The following NDE1 variants were observed in gnomAD, a reference collection of about 807,000 sequenced individuals.
NDE1 encodes nuclear distribution protein nudE homolog 1.
NDE1 carries 28 observed loss-of-function variants against 43.4 expected under a neutral mutation model. That is an observed-to-expected ratio of 0.65 (90% CI 0.48 to 0.89). The LOEUF (loss-of-function observed/expected upper bound fraction) is 0.89. Ranked by LOEUF, NDE1 falls within the 40% of genes least tolerant of loss-of-function variation. NDE1 has a pLI of 0.00. For missense variants in NDE1, 441 were observed against 434.1 expected (o/e 1.02, Z -0.14); for synonymous variants, 184 against 172.0 (o/e 1.07, Z -0.55).
chr16:15,688,807 C>T (rs946730345), intron 5 of NDE1, among the ~76,000 whole-genome samples: 1 of 144,756 alleles, frequency 6.9e-6, no homozygotes, highest in Non-Finnish European at 1.5e-5. Flanking sequence ...CAGCGATTCC[C>T]CTGCTTCAGC....
rs574695920 is a variant in NDE1 at position 15,706,351 on chromosome 16, A to G, written c.947+9491A>G. 3.7e-4 allele frequency among the ~76,000 whole-genome samples: 57 copies of G among 152,218 alleles called. 1 individual carries two copies. In the South Asian group the frequency reaches 0.011, roughly 29 times the overall value. On this transcript the variant is annotated intron_variant, in intron 8 of 8. Coordinates refer to ENST00000396354, the MANE Select transcript of NDE1 (RefSeq NM_017668.3). ...TTCAGCGCAGAGGAGCAGCAGTTTG[A>G]CTGTTCCCTGTACGCTCCCCACACA...
In NDE1 at chr16:15,725,622, C is replaced by A. The variant is rs1233248487; in HGVS notation, c.*1371C>A. On this transcript the variant is annotated 3_prime_UTR_variant, in exon 9 of 9. Transcript: ENST00000396354. ...ACAAGGAGGATATGAATGATCTTGA[C>A]ACTGCTTATATGAGGGCGGCAAAAG... 2.5e-6 allele frequency: 1 copy of A among 403,524 alleles called. No homozygotes were observed. Among genetic ancestry groups the A allele is most frequent in the Non-Finnish European group, 4.4e-6 (1 of 228,894 alleles). 25.0% of individuals were successfully genotyped at this position (403,524 alleles called of 1,614,324 possible).
chr16:15,695,203 CTTTTTTTTTTT>C (rs71134451), intron 7 of NDE1, among the ~76,000 whole-genome samples: 3 of 79,686 alleles, frequency 3.8e-5, no homozygotes, highest in African/African-American at 1.7e-4. Context: ...AAACTGCCAC[CTTTTTTTTTTT>C]TTTTTTTTTT....
chr16:15,713,423 A>T (rs1231150672), intron 8 of NDE1: 1 of 152,266 alleles, frequency 6.6e-6, no homozygotes, highest in Non-Finnish European at 1.5e-5. Context: ...GAAAAGCAGC[A>T]GAGAGTGAGA....
In NDE1 at chr16:15,664,812, G is replaced by A. The variant is rs772058497; in HGVS notation, c.34G>A (p.Glu12Lys). Residue 12 changes from glutamate (E) to lysine (K), a missense_variant, in exon 2 of 9, where the codon GAG (glutamate) becomes AAG (lysine). By Grantham distance (56) the Glu-to-Lys change is moderately conservative. Transcript: ENST00000396354. ...EDSGKTFSSE[E>K]EEANYWKDLA... ...CTCCGGAAAGACTTTCAGCTCCGAG[G>A]AGGAAGAAGCTAACTATTGGAAAGA... 6.2e-7 allele frequency: 1 copy of A among 1,613,842 alleles called. No homozygotes were observed. The highest frequency in any genetic ancestry group is 1.7e-5 in the Admixed American group (1 of 59,988).
Position 15,710,534 on chromosome 16 carries a change from AAAG to A in NDE1, c.948-13654_948-13652del, listed in dbSNP as rs576836405. Among the ~76,000 whole-genome samples, 926 of 147,134 alleles carry A rather than the reference AAAG, an allele frequency of 6.3e-3. 7 individuals are homozygous for A. Among genetic ancestry groups the A allele is most frequent in the Middle Eastern group, 0.02 (6 of 294 alleles). On this transcript the variant is annotated intron_variant, in intron 8 of 8. Coordinates refer to ENST00000396354, the MANE Select transcript of NDE1 (RefSeq NM_017668.3). ...GACTCCGTCTAAAAATAAATAATAA[AAAG>A]AAAAGAAATCACTGGGCCTGAGAAA...
chr16:15,651,735 G>A (rs115028321), intron 1 of NDE1, among the ~76,000 whole-genome samples: 1,988 of 150,390 alleles, frequency 0.013, 36 homozygotes, highest in African/African-American at 0.033. Context: ...CCACCGTGCC[G>A]GCCTACAACC....
intron 8 of NDE1, chr16:15,715,070 G>A: frequency 6.2e-7 from 1 of 1,613,106 alleles, no homozygotes; most frequent in Non-Finnish European, 8.5e-7. Flanking sequence ...CCCTGGCATT[G>A]CCTTTCTCTG....
chr16:15,686,687 C>A, intron 4 of NDE1: 1 of 341,344 alleles, frequency 2.9e-6, no homozygotes, highest in Non-Finnish European at 4.1e-6. Context: ...CTTAAAAAAT[C>A]ATGTTGTTAT....
chr16:15,679,749 G>A (rs539466655), intron 4 of NDE1, among the ~76,000 whole-genome samples: 7 of 151,892 alleles, frequency 4.6e-5, no homozygotes, highest in Admixed American at 2.0e-4. Flanking sequence ...TGTTTCCCAC[G>A]TGGTGTTTCC....
intron 3 of NDE1, 31 bp downstream of exon 3, chr16:15,667,470 G>T (rs765597341): frequency 6.2e-7 from 1 of 1,612,194 alleles, no homozygotes; most frequent in African/African-American, 1.3e-5. Context: ...GTGCTCAGGT[G>T]TAGACAGGCG....
intron 8 of NDE1, chr16:15,700,406 T>C (rs1436022545): frequency 6.6e-6 from 1 of 151,620 alleles, no homozygotes; most frequent in East Asian, 2.0e-4. Flanking sequence ...TGCCCCATTG[T>C]GTTGCACTAA....
At chr16:15,684,559 A>C (rs1442552652) in intron 4 of NDE1, 1 of 147,046 alleles carries the variant, frequency 6.8e-6, no homozygotes, top group Non-Finnish European at 1.5e-5. Context: ...CAAGAGTGGA[A>C]CTCCATCTTA....
At chr16:15,669,534 G>A (rs918471380) in intron 3 of NDE1, among the ~76,000 whole-genome samples, 1 of 151,932 alleles carries the variant, frequency 6.6e-6, no homozygotes, top group Non-Finnish European at 1.5e-5. Flanking sequence ...GCTAATTTTT[G>A]TATTTTTAGT....
rs548939338 is a variant in NDE1 at position 15,700,034 on chromosome 16, G to A, written c.947+3174G>A. ...TGTCTTTTCATCCTTACCTGCCACC[G>A]TGTGCATTGCAAAGAGGGACAAAAG... On this transcript the variant is annotated intron_variant, in intron 8 of 8. Transcript: ENST00000396354. The A allele has an allele frequency of 9.0e-5, 106 of 1,183,538 alleles. No homozygotes were observed. The East Asian group carries it at 4.5e-3, about 50-fold the overall frequency. 73.3% of individuals were successfully genotyped at this position (1,183,538 alleles called of 1,614,324 possible).
In NDE1 at chr16:15,653,367, C is replaced by G. The variant is rs140039304; in HGVS notation, c.-44+3073C>G. On this transcript the variant is annotated intron_variant, in intron 1 of 8. Transcript: ENST00000396354. ...AAGACAGAAGCCAGGCTTGCTGACTCTTGACTGATGTTGCCCCAGTGATGT... is the reference window on the plus strand; with the variant it reads ...AAGACAGAAGCCAGGCTTGCTGACTGTTGACTGATGTTGCCCCAGTGATGT... Among the ~76,000 whole-genome samples, 86 of 152,300 alleles carry G rather than the reference C, an allele frequency of 5.6e-4. 1 individual carries two copies. The highest frequency in any genetic ancestry group is 8.5e-4 in the Non-Finnish European group (58 of 68,024).
At chr16:15,696,639 T>C (rs2151141793) in intron 7 of NDE1, 70 bp from the exon 8 acceptor site, 1 of 1,612,484 alleles carries the variant, frequency 6.2e-7, no homozygotes, top group South Asian at 1.1e-5. Flanking sequence ...TTCGTTCTTC[T>C]GTACAGGCTC....
At chr16:15,706,556 A>G (rs2039467320) in intron 8 of NDE1, among the ~76,000 whole-genome samples, 1 of 151,980 alleles carries the variant, frequency 6.6e-6, no homozygotes, top group South Asian at 2.1e-4. Context: ...AAATATACTA[A>G]ATTAGCCGTG....
intron 2 of NDE1, 53 bp from the exon 3 acceptor site, chr16:15,667,233 G>A (rs1300910722): frequency 5.0e-5 from 80 of 1,600,914 alleles, no homozygotes; most frequent in East Asian, 2.5e-4. Context: ...GTGATAGAGC[G>A]AGACTCTGTC....
Sources: allele counts gnomAD v4.1 joint callset (sites outside exome capture counted in the v4.1 genomes callset), GRCh38; gene constraint gnomAD v4.1.1; transcripts MANE v1.5; gene names NCBI Gene and HGNC (gene_info 2026-07-23, HGNC 2026-07-21).